The following LRMDA variants were observed in gnomAD, a reference collection of about 807,000 sequenced individuals.
LRMDA encodes the protein leucine-rich melanocyte differentiation-associated protein.
Under a neutral mutation model 29.8 loss-of-function variants are expected in LRMDA, and 18 were observed. The ratio of observed to expected loss-of-function variants is 0.60; its 90% CI spans 0.42 to 0.90. The LOEUF (loss-of-function observed/expected upper bound fraction) is 0.90, where lower values mean the gene tolerates loss of function less well. LRMDA is among the 40% of genes least tolerant of loss of function. LRMDA has a pLI of 0.00. For synonymous variants in LRMDA, 125 were observed against 109.4 expected (o/e 1.14, Z -0.89); for missense variants, 273 against 273.9 (o/e 1.00, Z 0.02).
At chr10:75,918,887 G>A (rs1311133023) in intron 2 of LRMDA, among the ~76,000 whole-genome samples, 1 of 152,120 alleles carries the variant, frequency 6.6e-6, no homozygotes, top group African/African-American at 2.4e-5. Context: ...CAGGCACTGT[G>A]TGTGAAGAAA....
chr10:76,347,883 T>G (rs1189499273), intron 6 of LRMDA, among the ~76,000 whole-genome samples: 1 of 152,230 alleles, frequency 6.6e-6, no homozygotes, highest in Non-Finnish European at 1.5e-5. Flanking sequence ...TTTGTTTTTT[T>G]ACATATTAAA....
At chr10:75,686,929 C>T (rs560169250) in intron 2 of LRMDA, among the ~76,000 whole-genome samples, 19 of 152,286 alleles carry the variant, frequency 1.2e-4, no homozygotes, top group Non-Finnish European at 2.4e-4. Context: ...TTATGCTGAT[C>T]TGTGATCCAT....
intron 2 of LRMDA, among the ~76,000 whole-genome samples, chr10:75,617,430 C>T (rs1564523433): frequency 6.6e-6 from 1 of 152,158 alleles, no homozygotes; most frequent in Non-Finnish European, 1.5e-5. Context: ...GTTTGAGTGT[C>T]CCCTTCTATG....
chr10:75,518,208 T>C (rs1440065682), intron 2 of LRMDA, among the ~76,000 whole-genome samples: 1 of 152,234 alleles, frequency 6.6e-6, no homozygotes, highest in Non-Finnish European at 1.5e-5. Flanking sequence ...AGGATGATGC[T>C]GGCCTCATAA....
chr10:76,289,739 G>A (rs1840316199), intron 5 of LRMDA, among the ~76,000 whole-genome samples: 1 of 152,128 alleles, frequency 6.6e-6, no homozygotes, highest in Non-Finnish European at 1.5e-5. Flanking sequence ...AACTGACCAG[G>A]CAAAATGGAT....
chr10:75,533,188 A>G (rs1020070881), intron 2 of LRMDA, among the ~76,000 whole-genome samples: 3 of 152,238 alleles, frequency 2.0e-5, no homozygotes, highest in African/African-American at 7.2e-5. Flanking sequence ...AACTGAGAGG[A>G]TAACAAAGAA....
At chr10:76,132,801 A>G (rs555031086) in intron 5 of LRMDA, among the ~76,000 whole-genome samples, 1 of 150,006 alleles carries the variant, frequency 6.7e-6, no homozygotes, top group South Asian at 2.1e-4. Flanking sequence ...GCTGACAAGC[A>G]CCTTCTTTTT....
At chr10:75,768,464 A>G (rs1375257040) in intron 2 of LRMDA, among the ~76,000 whole-genome samples, 1 of 152,224 alleles carries the variant, frequency 6.6e-6, no homozygotes, top group Non-Finnish European at 1.5e-5. Flanking sequence ...CAGCTGGTGA[A>G]TACTGTAGTT....
At chr10:76,022,635 C>T (rs867046108) in intron 2 of LRMDA, among the ~76,000 whole-genome samples, 3 of 152,180 alleles carry the variant, frequency 2.0e-5, no homozygotes, top group African/African-American at 7.2e-5. Flanking sequence ...TGGTAGGAGT[C>T]CTTAGACCAG....
At chr10:75,913,488 A>C (rs1297180359) in intron 2 of LRMDA, among the ~76,000 whole-genome samples, 2 of 151,986 alleles carry the variant, frequency 1.3e-5, no homozygotes, top group African/African-American at 2.4e-5. Context: ...CCTGAAGTTA[A>C]TTTTTCTTTT....
intron 6 of LRMDA, among the ~76,000 whole-genome samples, chr10:76,398,587 A>G (rs1841814959): frequency 6.6e-6 from 1 of 152,224 alleles, no homozygotes; most frequent in South Asian, 2.1e-4. Flanking sequence ...GCATTTGATT[A>G]TATAGACTAA....
chr10:76,031,519 C>A (rs1848150098), intron 2 of LRMDA, among the ~76,000 whole-genome samples: 1 of 152,126 alleles, frequency 6.6e-6, no homozygotes, highest in Admixed American at 6.5e-5. Context: ...CAGTACCGAG[C>A]CCTCACTGTA....
chr10:75,761,044 A>G (rs1405387245), intron 2 of LRMDA, among the ~76,000 whole-genome samples: 1 of 152,212 alleles, frequency 6.6e-6, no homozygotes, highest in Admixed American at 6.5e-5. Context: ...GGATCCAAAG[A>G]TACTTAAGAA....
At chr10:75,619,514 T>G (rs1458861145) in intron 2 of LRMDA, among the ~76,000 whole-genome samples, 2 of 152,100 alleles carry the variant, frequency 1.3e-5, no homozygotes, top group East Asian at 3.9e-4. Context: ...TGCTCTAGGG[T>G]GAAGGGCAAA....
intron 5 of LRMDA, among the ~76,000 whole-genome samples, chr10:76,171,230 G>A (rs1850830378): frequency 6.6e-6 from 1 of 152,184 alleles, no homozygotes; most frequent in Non-Finnish European, 1.5e-5. Flanking sequence ...CTGCCTCCTG[G>A]GTTCAAGCAA....
intron 6 of LRMDA, among the ~76,000 whole-genome samples, chr10:76,469,070 C>G (rs1035003672): frequency 6.6e-6 from 1 of 152,134 alleles, no homozygotes; most frequent in African/African-American, 2.4e-5. Context: ...AATGAAGAAA[C>G]AGTTATTTAA....
rs868526214 is a variant in LRMDA, at chr10:75,756,858, T to C, written c.132-279150T>C. On this transcript the variant is annotated intron_variant, in intron 2 of 6. Transcript: ENST00000611255. Reference sequence around the variant, plus strand: ...TTCTAAAGACTCTTTTCTTCATCACTGTTGAATTGCCACATTACTGATGAT... The same window carrying C: ...TTCTAAAGACTCTTTTCTTCATCACCGTTGAATTGCCACATTACTGATGAT... 1.1e-4 allele frequency among the ~76,000 whole-genome samples: 16 copies of C among 152,346 alleles called. No homozygotes were observed. In the Middle Eastern group the frequency reaches 0.01, roughly 97 times the overall value.
intron 5 of LRMDA, among the ~76,000 whole-genome samples, chr10:76,219,825 C>T (rs1337968778): frequency 1.3e-5 from 2 of 152,052 alleles, no homozygotes; most frequent in Non-Finnish European, 2.9e-5. Flanking sequence ...TTTTTTTCAG[C>T]ACCACACCAC....
chr10:76,035,337 T>C (rs1319549163), intron 2 of LRMDA, among the ~76,000 whole-genome samples: 3 of 151,968 alleles, frequency 2.0e-5, no homozygotes, highest in Non-Finnish European at 4.4e-5. Flanking sequence ...AAAAGCCCTC[T>C]CAGATCGGAG....
Sources: allele counts gnomAD v4.1 joint callset (sites outside exome capture counted in the v4.1 genomes callset), GRCh38; gene constraint gnomAD v4.1.1; transcripts MANE v1.5; gene names NCBI Gene and HGNC (gene_info 2026-07-23, HGNC 2026-07-21).